The following MON2 variants were observed in gnomAD, a reference collection of about 807,000 sequenced individuals.
MON2 encodes MON2 regulator of endosome-to-Golgi trafficking, also known as protein MON2 homolog.
MON2 carries 84 observed loss-of-function variants against 208.6 expected under a neutral mutation model. The ratio of observed to expected loss-of-function variants is 0.40; its 90% CI spans 0.34 to 0.48. The LOEUF (loss-of-function observed/expected upper bound fraction) is 0.48. Ranked by LOEUF, MON2 falls within the 20% of genes least tolerant of loss-of-function variation. The probability of loss-of-function intolerance (pLI) is 0.59; values close to 1 mark genes in which losing one functional copy is unlikely to be tolerated. For synonymous variants in MON2, 660 were observed against 694.0 expected (o/e 0.95, Z 0.77); for missense variants, 1,611 against 2,015.4 (o/e 0.80, Z 3.84).
At chr12:62,516,894 A>G (rs2071727374) in intron 8 of MON2, among the ~76,000 whole-genome samples, 1 of 152,128 alleles carries the variant, frequency 6.6e-6, no homozygotes, top group African/African-American at 2.4e-5. Context: ...AAAAAAAAAT[A>G]TTTTTAAGTA....
At chr12:62,483,094 G>A (rs745901066) in intron 1 of MON2, 12 of 152,090 alleles carry the variant, frequency 7.9e-5, no homozygotes, top group South Asian at 2.1e-4. Flanking sequence ...ATAATTTAAC[G>A]TAATAATTTG....
At position 62,471,031 on chromosome 12, in the gene MON2, G is replaced by C. The variant is rs114103415; in HGVS notation, c.111+3713G>C. On this transcript the variant is annotated intron_variant, in intron 1 of 34. Transcript: ENST00000393630. ...TTAGACAGTAGTGAAAGAGCGTATA[G>C]ATTGAAAAGGTAAAAATTACCAAGG... Among the ~76,000 whole-genome samples the C allele has an allele frequency of 9.4e-3, 1,427 of 152,258 alleles. 23 individuals are homozygous for C. Among genetic ancestry groups the C allele is most frequent in the African/African-American group, 0.032 (1,323 of 41,538 alleles).
chr12:62,585,376 A>T lies in MON2; in HGVS notation c.4782A>T (p.Lys1594Asn). 6.2e-7 allele frequency: 1 copy of T among 1,613,922 alleles called. No individual in the cohort carries two copies. Among genetic ancestry groups the T allele is most frequent in the Non-Finnish European group, 8.5e-7 (1 of 1,179,820 alleles). ...TACTCCAGTTTTCCTTCAGTAATAA[A>T]GTCACAACACCTCAAGAAGGCTACA... The part of the protein sequence containing the change: ...ETLLQFSFSN[K>N]VTTPQEGYIS... The change falls in exon 33 of 35, where the codon AAA (lysine) becomes AAT (asparagine). Residue 1594 changes from lysine to asparagine, a missense_variant. Coordinates refer to ENST00000393630, the MANE Select transcript of MON2 (RefSeq NM_015026.3).
chr12:62,552,959 A>C lies in MON2; in HGVS notation c.2995A>C (p.Lys999Gln), dbSNP rs147472788. The change falls in exon 24 of 35, where the codon AAG becomes CAG. Residue 999 changes from lysine to glutamine, a missense_variant. Coordinates refer to ENST00000393630, the MANE Select transcript of MON2 (RefSeq NM_015026.3). ...ELNKEEAAQQ[K>Q]QAEEKGVVLN... ...AAATAAGGAAGAGGCAGCACAGCAA[A>C]AGCAGGCAGAAGAGAAAGGAGTTGT... 8.8e-4 allele frequency: 1,416 copies of C among 1,614,174 alleles called. 18 individuals carry two copies. The East Asian group carries it at 0.014, about 16-fold the overall frequency.
intron 2 of MON2, among the ~76,000 whole-genome samples, chr12:62,485,348 TTAAA>T (rs2069707650): frequency 6.6e-6 from 1 of 152,236 alleles, no homozygotes; most frequent in Non-Finnish European, 1.5e-5. Context: ...TTTACATTTT[TTAAA>T]AGGGATACCA....
In MON2 at chr12:62,560,950, G is replaced by A. The variant is rs995707661; in HGVS notation, c.3869G>A (p.Gly1290Asp). 1.2e-6 allele frequency: 2 copies of A among 1,613,774 alleles called. No individual in the cohort carries two copies. The highest frequency in any genetic ancestry group is 1.7e-6 in the Non-Finnish European group (2 of 1,179,928). The change falls in exon 26 of 35, where the codon GGT becomes GAT. Residue 1290 changes from glycine (G) to aspartate (D), a missense_variant. Transcript: ENST00000393630. ...GCTCTCTACCAACACATAAAAACTG[G>A]TTTCAATATGGATGACTTGCAAAAG... ...FPALYQHIKT[G>D]FNMDDLQKLG...
intron 8 of MON2, among the ~76,000 whole-genome samples, chr12:62,511,629 C>T (rs554575839): frequency 6.6e-6 from 1 of 152,084 alleles, no homozygotes; most frequent in Non-Finnish European, 1.5e-5. Context: ...GATTCATGAC[C>T]TAAACACAAG....
At chr12:62,553,488 A>G in intron 24 of MON2, 1 of 221,850 alleles carries the variant, frequency 4.5e-6, no homozygotes, top group South Asian at 1.1e-4. Context: ...TAAACAACAA[A>G]GGGTAATCAA....
At position 62,571,442 on chromosome 12, in the gene MON2, A is replaced by G. The variant is rs559111582; in HGVS notation, c.4374A>G (p.Thr1458=). The change falls in exon 30 of 35, where the codon ACA becomes ACG. Residue 1458 remains threonine, a synonymous_variant. Transcript: ENST00000393630. ...AGTATTCCTGCCCTTCTGAAAGCAC[A>G]TGGAAACTAGCAGTATCCTCTCTCC... The part of the protein sequence containing the change: ...SLKYSCPSES[T]WKLAVSSLLR... 13 of 1,613,190 alleles carry G rather than the reference A, an allele frequency of 8.1e-6. No homozygotes were observed. Among genetic ancestry groups the G allele is most frequent in the South Asian group, 7.7e-5 (7 of 90,986 alleles).
At chr12:62,580,966 C>T (rs759080338) in intron 32 of MON2, among the ~76,000 whole-genome samples, 6 of 152,136 alleles carry the variant, frequency 3.9e-5, no homozygotes, top group Non-Finnish European at 8.8e-5. Context: ...AGGGAATTAA[C>T]ATTTACTCAG....
chr12:62,487,995 T>C (rs575768662), intron 2 of MON2, among the ~76,000 whole-genome samples: 7 of 152,326 alleles, frequency 4.6e-5, no homozygotes, highest in African/African-American at 1.7e-4. Flanking sequence ...TTGTGACTTA[T>C]GTTGCCAGTA....
chr12:62,528,337 G>A (rs1213839816), intron 11 of MON2, among the ~76,000 whole-genome samples: 1 of 152,150 alleles, frequency 6.6e-6, no homozygotes, highest in Non-Finnish European at 1.5e-5. Flanking sequence ...AAACTTAAGT[G>A]ATATATAGAT....
Position 62,558,670 on chromosome 12 carries a change from G to T in MON2, c.3410-1821G>T, listed in dbSNP as rs551032883. 1.6e-4 allele frequency among the ~76,000 whole-genome samples: 24 copies of T among 150,408 alleles called. No homozygotes were observed. In the East Asian group the frequency reaches 3.7e-3, roughly 23 times the overall value. On this transcript the variant is annotated intron_variant, in intron 25 of 34. Transcript: ENST00000393630. Reference sequence around the variant, plus strand: ...TTACTTAAAATTCTGTGTTTTTATTGTATGTAAATTATACCTCAATTTTTT... The same window carrying T: ...TTACTTAAAATTCTGTGTTTTTATTTTATGTAAATTATACCTCAATTTTTT...
intron 20 of MON2, among the ~76,000 whole-genome samples, chr12:62,544,273 C>A (rs1041420503): frequency 2.0e-5 from 3 of 151,932 alleles, no homozygotes; most frequent in African/African-American, 7.3e-5. Context: ...AGGGAGACAC[C>A]ATTTCTACAA....
intron 23 of MON2, among the ~76,000 whole-genome samples, chr12:62,551,530 T>C (rs2073745011): frequency 6.6e-6 from 1 of 152,090 alleles, no homozygotes; most frequent in Admixed American, 6.6e-5. Flanking sequence ...AATTAAAAAG[T>C]TTGAAATATT....
chr12:62,512,186 C>T (rs552742392), intron 8 of MON2, among the ~76,000 whole-genome samples: 1 of 152,250 alleles, frequency 6.6e-6, no homozygotes, highest in South Asian at 2.1e-4. Context: ...CATAGGTCCT[C>T]ATATTTCAAA....
At chr12:62,585,060 TACATGCAC>T (rs2075152984) in intron 32 of MON2, among the ~76,000 whole-genome samples, 2 of 98,200 alleles carry the variant, frequency 2.0e-5, no homozygotes, top group East Asian at 2.8e-4. Flanking sequence ...TGTTTCTCTC[TACATGCAC>T]ACACACACAC....
chr12:62,595,014 C>T lies in MON2; in HGVS notation c.*2265C>T, dbSNP rs944281664. ...AAGAACTGGGGTGTGTGAAAGTATT[C>T]GATGCCAGGAGATTCAAAAAGGAAG... On this transcript the variant is annotated 3_prime_UTR_variant, in exon 35 of 35. Transcript: ENST00000393630. 4.6e-5 allele frequency: 7 copies of T among 152,034 alleles called. No homozygotes were observed. The highest frequency in any genetic ancestry group is 2.9e-5 in the Non-Finnish European group (2 of 68,044). 9.4% of individuals were successfully genotyped at this position (152,034 alleles called of 1,614,324 possible).
chr12:62,561,036 A>G lies in MON2; in HGVS notation c.3955A>G (p.Ile1319Val), dbSNP rs755722523. Residue 1319 changes from isoleucine (I) to valine (V), a missense_variant, in exon 26 of 35, where the codon ATT (isoleucine) becomes GTT (valine). Coordinates refer to ENST00000393630, the MANE Select transcript of MON2 (RefSeq NM_015026.3). ...AATAAGTTCAGATGCATCCCCTTTT[A>G]TTCTTCCATCTTATACCGAAGCAGT... ...VPISSDASPF[I>V]LPSYTEAVLT... The G allele has an allele frequency of 6.2e-7, 1 of 1,613,240 alleles. No individual in the cohort carries two copies.
Sources: allele counts gnomAD v4.1 joint callset (sites outside exome capture counted in the v4.1 genomes callset), GRCh38; gene constraint gnomAD v4.1.1; transcripts MANE v1.5; gene names NCBI Gene and HGNC (gene_info 2026-07-23, HGNC 2026-07-21).